CEP63: variants seen among roughly 807,000 people sequenced by gnomAD.
CEP63 encodes the protein centrosomal protein of 63 kDa.
Under a neutral mutation model 89.1 loss-of-function variants are expected in CEP63, and 84 were observed. The ratio of observed to expected loss-of-function variants is 0.94; its 90% CI spans 0.79 to 1.13. The LOEUF is 1.13. CEP63 is among the 50% of genes most tolerant of loss of function. The probability of loss-of-function intolerance (pLI) is 0.00; values close to 1 mark genes in which losing one functional copy is unlikely to be tolerated. For synonymous variants in CEP63, 267 were observed against 272.5 expected (o/e 0.98, Z 0.20); for missense variants, 838 against 813.3 (o/e 1.03, Z -0.37).
chr3:134,487,652 A>G (rs192238000), intron 1 of CEP63, among the ~76,000 whole-genome samples: 1 of 152,292 alleles, frequency 6.6e-6, no homozygotes, highest in Non-Finnish European at 1.5e-5. Flanking sequence ...TCTTTATGTT[A>G]TTTTAGTCCG....
the CEP63 span, chr3:134,780,486 T>G: frequency 3.3e-5 from 5 of 152,210 alleles, no homozygotes; most frequent in South Asian, 1.0e-3. Flanking sequence ...ATATTTCATG[T>G]AAGTGGAGAC....
At chr3:134,681,332 C>T in the CEP63 span, among the ~76,000 whole-genome samples, 1 of 152,122 alleles carries the variant, frequency 6.6e-6, no homozygotes, top group Non-Finnish European at 1.5e-5. Flanking sequence ...AGGAGCCTGG[C>T]CCAAGCACAG....
the CEP63 span, chr3:134,607,389 G>A: frequency 1.0e-6 from 1 of 985,610 alleles, no homozygotes; most frequent in Non-Finnish European, 1.2e-6. Context: ...CCTGCAATGT[G>A]GGTTGGAGCT....
intron 1 of CEP63, among the ~76,000 whole-genome samples, chr3:134,490,276 G>A (rs1159127862): frequency 6.6e-6 from 1 of 151,772 alleles, no homozygotes; most frequent in South Asian, 2.1e-4. Context: ...TTTTTCACAC[G>A]TTGGATTTAT....
At chr3:134,651,022 T>C in the CEP63 span, 1 of 1,606,522 alleles carries the variant, frequency 6.2e-7, no homozygotes. Flanking sequence ...GCGCTGCAAA[T>C]GGCCCCGTGC....
At chr3:134,647,290 T>G in the CEP63 span, 2 of 657,232 alleles carry the variant, frequency 3.0e-6, no homozygotes, top group Non-Finnish European at 5.3e-6. Flanking sequence ...CAGTGGCCCT[T>G]AGAGGCCTGG....
chr3:134,693,975 C>T, the CEP63 span, among the ~76,000 whole-genome samples: 8 of 152,212 alleles, frequency 5.3e-5, 1 homozygote, highest in Admixed American at 5.2e-4. Flanking sequence ...CAATGGCATC[C>T]TGCAGGAATG....
chr3:134,693,347 G>A, the CEP63 span, among the ~76,000 whole-genome samples: 1 of 152,286 alleles, frequency 6.6e-6, no homozygotes, highest in South Asian at 2.1e-4. Context: ...CCTGGAGATA[G>A]GACAGCAAAG....
the CEP63 span, chr3:134,628,000 G>T: frequency 1.6e-6 from 1 of 613,990 alleles, no homozygotes. Context: ...GAACTTCCTG[G>T]TGTGGCAGAA....
chr3:134,765,484 G>A, the CEP63 span, among the ~76,000 whole-genome samples: 581 of 152,338 alleles, frequency 3.8e-3, 5 homozygotes, highest in Middle Eastern at 0.044. Flanking sequence ...AGTGAATAAG[G>A]GGGAAGGGAG....
intron 6 of CEP63, among the ~76,000 whole-genome samples, chr3:134,545,369 A>G (rs897928433): frequency 3.2e-4 from 49 of 151,972 alleles, no homozygotes; most frequent in African/African-American, 1.2e-3. Context: ...AGCTCAAGCG[A>G]TCTGCCTGCC....
In CEP63 at chr3:134,546,284, A is replaced by G. The variant is rs1953298072; in HGVS notation, c.925A>G (p.Ile309Val). The stretch of plus-strand genomic sequence containing the variant: ...TAACACTCAACATGCTGTAGAAGCT[A>G]TAAGGTAAATTTAATCTTAAATATT... ...ATNTQHAVEA[I>V]RPREESLAEK... Residue 309 changes from isoleucine to valine, a missense_variant, in exon 8 of 15, where the codon ATA becomes GTA. Coordinates refer to ENST00000675561, the MANE Select transcript of CEP63 (RefSeq NM_001353108.3). 17 of 1,613,024 alleles carry G rather than the reference A, an allele frequency of 1.1e-5. No homozygotes were observed. Among genetic ancestry groups the G allele is most frequent in the Non-Finnish European group, 1.4e-5 (16 of 1,179,136 alleles).
the CEP63 span, among the ~76,000 whole-genome samples, chr3:134,743,944 G>A: frequency 1.7e-3 from 253 of 152,176 alleles, no homozygotes; most frequent in African/African-American, 5.8e-3. Flanking sequence ...AAGTATTAAG[G>A]TAGAAGGCAG....
the CEP63 span, among the ~76,000 whole-genome samples, chr3:134,759,664 G>A: frequency 6.6e-6 from 1 of 152,202 alleles, no homozygotes; most frequent in Admixed American, 6.5e-5. Flanking sequence ...CTCTGGCAGT[G>A]ATGTGTAAGC....
chr3:134,555,225 C>T (rs1577372741), intron 12 of CEP63, among the ~76,000 whole-genome samples: 2 of 152,154 alleles, frequency 1.3e-5, no homozygotes, highest in East Asian at 3.9e-4. Context: ...GACAGGGATG[C>T]CCTCTCTCAT....
the CEP63 span, among the ~76,000 whole-genome samples, chr3:134,709,605 T>C: frequency 6.6e-6 from 1 of 152,050 alleles, no homozygotes; most frequent in Non-Finnish European, 1.5e-5. Context: ...TCACCTACCA[T>C]AGGTTTTGCA....
In CEP63 at chr3:134,564,218, G is replaced by C. The variant is rs1223101353; in HGVS notation, c.*2683G>C. ...TCACCCAGCACAAGCCCAACACTTAGGAGAGGCTCAGCTAGTTTGAACCAA... is the reference window on the plus strand; with the variant it reads ...TCACCCAGCACAAGCCCAACACTTACGAGAGGCTCAGCTAGTTTGAACCAA... On this transcript the variant is annotated 3_prime_UTR_variant, in exon 15 of 15. Coordinates refer to ENST00000675561, the MANE Select transcript of CEP63 (RefSeq NM_001353108.3). The C allele has an allele frequency of 1.0e-6, 1 of 983,986 alleles. No homozygotes were observed. Among genetic ancestry groups the C allele is most frequent in the East Asian group, 1.1e-4 (1 of 8,804 alleles). The allele number at this position is 983,986 out of a possible 1,614,324, so 61.0% of individuals were successfully genotyped here.
At chr3:134,643,723 C>A in the CEP63 span, among the ~76,000 whole-genome samples, 1 of 152,196 alleles carries the variant, frequency 6.6e-6, no homozygotes, top group African/African-American at 2.4e-5. Flanking sequence ...GCACTGCATA[C>A]ACAGATGCCT....
chr3:134,561,502 A>G lies in CEP63; in HGVS notation c.2079A>G (p.Glu693=). 6.2e-7 allele frequency: 1 copy of G among 1,613,986 alleles called. No individual in the cohort carries two copies. Among genetic ancestry groups the G allele is most frequent in the Non-Finnish European group, 8.5e-7 (1 of 1,179,938 alleles). Residue 693 remains glutamate (E), a synonymous_variant, in exon 15 of 15, where the codon GAA becomes GAG. Coordinates refer to ENST00000675561, the MANE Select transcript of CEP63 (RefSeq NM_001353108.3). The part of the protein sequence containing the change: ...AHIEELKRES[E]KTVRQFTALK ...TTGAAGAACTAAAAAGAGAGAGTGA[A>G]AAGACAGTGAGACAATTCACAGCCT... is the stretch of plus-strand genomic sequence containing the variant.
Sources: allele counts gnomAD v4.1 joint callset (sites outside exome capture counted in the v4.1 genomes callset), GRCh38; gene constraint gnomAD v4.1.1; transcripts MANE v1.5; gene names NCBI Gene and HGNC (gene_info 2026-07-23, HGNC 2026-07-21).